Variants in FRMD4B observed in about 807,000 individuals in gnomAD.
FRMD4B encodes FERM domain containing 4B.
In FRMD4B, 74 loss-of-function variants were observed where a neutral mutation model predicts 141.5. The ratio of observed to expected loss-of-function variants is 0.52; its 90% CI spans 0.43 to 0.63. The LOEUF (loss-of-function observed/expected upper bound fraction) is 0.63. Ranked by LOEUF, FRMD4B falls within the 30% of genes least tolerant of loss-of-function variation. The pLI is 0.00. For missense variants in FRMD4B, 1,366 were observed against 1,253.4 expected (o/e 1.09, Z -1.36); for synonymous variants, 506 against 467.9 (o/e 1.08, Z -1.05).
intron 11 of FRMD4B, among the ~76,000 whole-genome samples, chr3:69,210,811 C>T (rs1376320915): frequency 7.2e-5 from 11 of 151,798 alleles, no homozygotes; most frequent in African/African-American, 2.2e-4. Context: ...GTCAGGAGTT[C>T]GAGACCAGCC....
intron 5 of FRMD4B, among the ~76,000 whole-genome samples, chr3:69,257,105 G>A (rs1026409821): frequency 2.0e-5 from 3 of 152,210 alleles, no homozygotes; most frequent in South Asian, 4.1e-4. Context: ...GATGTCCTCA[G>A]AATGGCCCCT....
intron 11 of FRMD4B, among the ~76,000 whole-genome samples, chr3:69,209,017 G>T (rs980498665): frequency 6.6e-6 from 1 of 152,040 alleles, no homozygotes; most frequent in Non-Finnish European, 1.5e-5. Flanking sequence ...GGTGGCGTGC[G>T]CCTGTAGTCC....
intron 11 of FRMD4B, among the ~76,000 whole-genome samples, chr3:69,213,854 T>C (rs1177233427): frequency 6.6e-6 from 1 of 151,954 alleles, no homozygotes; most frequent in Non-Finnish European, 1.5e-5. Flanking sequence ...TTTTTCTTTT[T>C]TTTTGTAGAG....
intron 11 of FRMD4B, among the ~76,000 whole-genome samples, chr3:69,214,042 G>C (rs2093114645): frequency 6.6e-6 from 1 of 152,066 alleles, no homozygotes. Context: ...AGCTGGATCA[G>C]TATTGGAGGT....
At chr3:69,336,628 G>T (rs1269349387) in intron 1 of FRMD4B, 1 of 152,354 alleles carries the variant, frequency 6.6e-6, no homozygotes, top group Non-Finnish European at 1.5e-5. Flanking sequence ...TCATAAGGTT[G>T]TTGTGAGGAT....
At chr3:69,187,990 C>T (rs998495650) in intron 18 of FRMD4B, 73 bp from the exon 19 acceptor site, 2 of 785,858 alleles carry the variant, frequency 2.5e-6, no homozygotes, top group Admixed American at 2.7e-5. Flanking sequence ...TTGCCAATAC[C>T]TCAAAAAAGA....
intron 1 of FRMD4B, among the ~76,000 whole-genome samples, chr3:69,505,962 T>C (rs1706588761): frequency 1.3e-5 from 2 of 152,270 alleles, no homozygotes; most frequent in Admixed American, 6.5e-5. Context: ...CAACTAACAG[T>C]AGATAAGAGA....
intron 1 of FRMD4B, among the ~76,000 whole-genome samples, chr3:69,348,679 C>T (rs1487899265): frequency 6.6e-6 from 1 of 152,174 alleles, no homozygotes; most frequent in Non-Finnish European, 1.5e-5. Context: ...GCTGGTACAA[C>T]ATATGCAAAT....
In FRMD4B at chr3:69,312,608, T is replaced by A. The variant is rs533907188; in HGVS notation, c.228+844A>T. Reference sequence around the variant, plus strand: ...AAGAGAAGCATCAACAATAAAAATATCATCGCTTGGCTGGGCGCAGAGGCT... The same window carrying A: ...AAGAGAAGCATCAACAATAAAAATAACATCGCTTGGCTGGGCGCAGAGGCT... On this transcript the variant is annotated intron_variant, in intron 2 of 22. Coordinates refer to ENST00000398540, the MANE Select transcript of FRMD4B (RefSeq NM_015123.3). 4.2e-3 allele frequency among the ~76,000 whole-genome samples: 647 copies of A among 152,314 alleles called. 3 individuals are homozygous for A. Among genetic ancestry groups the A allele is most frequent in the African/African-American group, 0.014 (600 of 41,578 alleles).
intron 1 of FRMD4B, among the ~76,000 whole-genome samples, chr3:69,362,780 G>C (rs1312416035): frequency 4.1e-5 from 6 of 147,988 alleles, no homozygotes; most frequent in African/African-American, 1.5e-4. Flanking sequence ...TTAAAATAAA[G>C]AACTGTGAAT....
intron 3 of FRMD4B, among the ~76,000 whole-genome samples, chr3:69,306,904 A>G (rs1485245705): frequency 2.0e-5 from 3 of 152,172 alleles, no homozygotes; most frequent in Non-Finnish European, 4.4e-5. Flanking sequence ...GCTGAAAGAA[A>G]ATACTTTCCA....
chr3:69,306,032 G>T lies in FRMD4B; in HGVS notation c.324-3597C>A, dbSNP rs897464194. Among the ~76,000 whole-genome samples the T allele has an allele frequency of 5.3e-5, 8 of 152,278 alleles. 1 individual carries two copies. The South Asian group carries it at 1.7e-3, about 32-fold the overall frequency. ...GACTGGACTCAACCATGACATTAAAGAAGATATTCATGCATATATTATAAG... is the reference window on the plus strand; with the variant it reads ...GACTGGACTCAACCATGACATTAAATAAGATATTCATGCATATATTATAAG... On this transcript the variant is annotated intron_variant, in intron 3 of 22. Transcript: ENST00000398540.
chr3:69,285,255 GA>G (rs35704031), intron 5 of FRMD4B, among the ~76,000 whole-genome samples: 70,788 of 151,852 alleles, frequency 0.47, 17,053 homozygotes, highest in Admixed American at 0.53. Flanking sequence ...ACAGATGAGG[GA>G]AACTGAAGAC....
At chr3:69,431,894 A>G (rs1036130395) in intron 2 of FRMD4B, among the ~76,000 whole-genome samples, 1 of 152,206 alleles carries the variant, frequency 6.6e-6, no homozygotes, top group Non-Finnish European at 1.5e-5. Flanking sequence ...TTTTACATCA[A>G]TGTCCTTCAA....
At chr3:69,233,923 G>A (rs1395564758) in intron 7 of FRMD4B, among the ~76,000 whole-genome samples, 1 of 152,148 alleles carries the variant, frequency 6.6e-6, no homozygotes, top group Non-Finnish European at 1.5e-5. Flanking sequence ...CTGAAGAAAT[G>A]GGACAGGATT....
At chr3:69,490,932 C>T (rs1449659034) in intron 1 of FRMD4B, among the ~76,000 whole-genome samples, 1 of 152,178 alleles carries the variant, frequency 6.6e-6, no homozygotes, top group African/African-American at 2.4e-5. Context: ...ATCCCCACCT[C>T]CTCCAAGAAG....
intron 2 of FRMD4B, among the ~76,000 whole-genome samples, chr3:69,411,614 G>A (rs1333099465): frequency 1.3e-5 from 2 of 152,176 alleles, no homozygotes; most frequent in Admixed American, 6.5e-5. Context: ...TTTCACTAAT[G>A]AACAAAGTCT....
intron 7 of FRMD4B, among the ~76,000 whole-genome samples, chr3:69,239,076 A>T (rs969436835): frequency 1.3e-5 from 2 of 152,210 alleles, no homozygotes; most frequent in Non-Finnish European, 2.9e-5. Context: ...ACTGCCTGGG[A>T]AAAGAACTTT....
intron 17 of FRMD4B, 108 bp downstream of exon 17, chr3:69,193,540 C>T (rs1470868225): frequency 9.3e-6 from 6 of 648,234 alleles, no homozygotes; most frequent in Non-Finnish European, 1.6e-5. Context: ...TTTTGATCAC[C>T]TGGTTCTTCC....
Sources: allele counts gnomAD v4.1 joint callset (sites outside exome capture counted in the v4.1 genomes callset), GRCh38; gene constraint gnomAD v4.1.1; transcripts MANE v1.5; gene names NCBI Gene and HGNC (gene_info 2026-07-23, HGNC 2026-07-21).